Variants in ALS2 observed in about 807,000 individuals in gnomAD.
ALS2 encodes the protein alsin.
Under a neutral mutation model 203.4 loss-of-function variants are expected in ALS2, and 117 were observed. That is an observed-to-expected ratio of 0.58 (90% CI 0.50 to 0.67). The LOEUF (loss-of-function observed/expected upper bound fraction) is 0.67, where lower values mean the gene tolerates loss of function less well. Among genes scored for constraint, ALS2 ranks in the 30% least tolerant of loss-of-function variants. The pLI, the probability that ALS2 is intolerant of heterozygous loss-of-function variation, is 0.00. For synonymous variants in ALS2, 718 were observed against 725.9 expected (o/e 0.99, Z 0.17); for missense variants, 1,715 against 1,989.4 (o/e 0.86, Z 2.62).
In ALS2 at chr2:201,701,752, C is replaced by A; in HGVS notation, c.*99G>T. 1 of 1,177,954 alleles carries A rather than the reference C, an allele frequency of 8.5e-7. No individual in the cohort carries two copies. The highest frequency in any genetic ancestry group is 1.3e-5 in the South Asian group (1 of 79,914). 73.0% of individuals were successfully genotyped at this position (1,177,954 alleles called of 1,614,324 possible). On this transcript the variant is annotated 3_prime_UTR_variant, in exon 34 of 34. Transcript: ENST00000264276. The stretch of plus-strand genomic sequence containing the variant: ...CAACCTAAATAACACAAAGTCCTTT[C>A]CAATTTCAACACTGTTCTTTTTTGC...
intron 23 of ALS2, among the ~76,000 whole-genome samples, chr2:201,720,963 A>C (rs78461894): frequency 0.093 from 14,132 of 152,192 alleles, 764 homozygotes; most frequent in African/African-American, 0.14. Flanking sequence ...CACAAAAAAA[A>C]CCACTAAAAC....
At chr2:201,704,389 G>A in intron 32 of ALS2, 65 bp downstream of exon 32, 1 of 1,572,518 alleles carries the variant, frequency 6.4e-7, no homozygotes, top group South Asian at 1.1e-5. Flanking sequence ...TGTCAGTTCA[G>A]AAAATGCAAG....
intron 1 of ALS2, among the ~76,000 whole-genome samples, chr2:201,772,727 A>C (rs1373250776): frequency 6.6e-6 from 1 of 152,154 alleles, no homozygotes; most frequent in Non-Finnish European, 1.5e-5. Flanking sequence ...GAAGTCTCAA[A>C]ACTTTTAACT....
At chr2:201,720,274 C>T in intron 23 of ALS2, 3 of 313,292 alleles carry the variant, frequency 9.6e-6, no homozygotes, top group Non-Finnish European at 6.0e-6. Context: ...ACACCATGAC[C>T]AAGTACAATT....
intron 16 of ALS2, 142 bp from the exon 17 acceptor site, chr2:201,727,420 A>T (rs138241515): frequency 1.2e-6 from 1 of 812,202 alleles, no homozygotes; most frequent in African/African-American, 1.7e-5. Flanking sequence ...TTTGGGCGCC[A>T]CCACGGTGGA....
At chr2:201,759,445 A>G in intron 4 of ALS2, 4 of 929,524 alleles carry the variant, frequency 4.3e-6, no homozygotes, top group Non-Finnish European at 5.1e-6. Context: ...TGTAATAGAA[A>G]CACACATTTA....
rs913351217 is a variant in ALS2, at chr2:201,723,129, A to G, written c.3625-9T>C. The G allele has an allele frequency of 6.2e-7, 1 of 1,603,720 alleles. No individual in the cohort carries two copies. On this transcript the variant is annotated splice_polypyrimidine_tract_variant and intron_variant, in intron 22 of 33. Coordinates refer to ENST00000264276, the MANE Select transcript of ALS2 (RefSeq NM_020919.4). ...AGCAAAACCCCATTTCCCTACAAGAAGAAACAAGAGAAAAATTACAACACA... is the reference window on the plus strand; with the variant it reads ...AGCAAAACCCCATTTCCCTACAAGAGGAAACAAGAGAAAAATTACAACACA...
Position 201,757,573 on chromosome 2 carries a change from C to A in ALS2, c.1300G>T (p.Ala434Ser). 1 of 1,614,156 alleles carries A rather than the reference C, an allele frequency of 6.2e-7. No individual in the cohort carries two copies. Among genetic ancestry groups the A allele is most frequent in the Non-Finnish European group, 8.5e-7 (1 of 1,180,018 alleles). Reference protein sequence around the residue: ...FYSTTPCETGAQAGSSAIGPE... With the variant: ...FYSTTPCETGSQAGSSAIGPE... ...CCAATGGCACTACTGCCTGCCTGAG[C>A]TCCAGTTTCACAAGGGGTTGTACTA... Residue 434 changes from alanine (A) to serine (S), a missense_variant, in exon 5 of 34, where the codon GCT (alanine) becomes TCT (serine). By Grantham distance (99) the Ala-to-Ser change is moderately conservative. Coordinates refer to ENST00000264276, the MANE Select transcript of ALS2 (RefSeq NM_020919.4).
chr2:201,704,035 C>T (rs1482532959), intron 33 of ALS2, 87 bp downstream of exon 33: 14 of 1,186,514 alleles, frequency 1.2e-5, no homozygotes, highest in Non-Finnish European at 1.7e-5. Context: ...AACTTTTATA[C>T]AAAAAAAGTG....
chr2:201,774,189 G>A (rs933915706), intron 1 of ALS2, among the ~76,000 whole-genome samples: 1 of 152,194 alleles, frequency 6.6e-6, no homozygotes, highest in African/African-American at 2.4e-5. Flanking sequence ...GAATATGTCT[G>A]CATGACAAAG....
rs1345370089 is a variant in ALS2, at chr2:201,715,777, C to T, written c.3899G>A (p.Cys1300Tyr). 2 of 1,614,112 alleles carry T rather than the reference C, an allele frequency of 1.2e-6. No individual in the cohort carries two copies. Among genetic ancestry groups the T allele is most frequent in the Non-Finnish European group, 1.7e-6 (2 of 1,180,046 alleles). ...DEKWKAVFDE[C>Y]WRQLGCEGPG... ...GCCCTCACAGCCCAGTTGGCGCCAA[C>T]ATTCGTCAAACACCGCTTTCCACTT... The change falls in exon 25 of 34, where the codon TGT (cysteine) becomes TAT (tyrosine). Residue 1300 changes from cysteine to tyrosine, a missense_variant. Cys to Tyr is a radical substitution (Grantham distance 194). Coordinates refer to ENST00000264276, the MANE Select transcript of ALS2 (RefSeq NM_020919.4).
chr2:201,702,400 G>GT (rs57939262), intron 33 of ALS2, among the ~76,000 whole-genome samples: 30,319 of 151,904 alleles, frequency 0.2, 3,441 homozygotes, highest in East Asian at 0.39. Flanking sequence ...CAGATAACAT[G>GT]TAACATTTTC....
intron 14 of ALS2, among the ~76,000 whole-genome samples, 188 bp from the exon 15 acceptor site, chr2:201,728,828 A>G (rs1405062750): frequency 6.7e-6 from 1 of 149,870 alleles, no homozygotes. Flanking sequence ...GATTAAAAAG[A>G]AGACAAAAAC....
At chr2:201,717,809 G>A (rs1286209976) in intron 24 of ALS2, among the ~76,000 whole-genome samples, 2 of 151,742 alleles carry the variant, frequency 1.3e-5, no homozygotes, top group Admixed American at 6.6e-5. Flanking sequence ...GCATGGTAGC[G>A]GGTGCCTGTA....
In ALS2 at chr2:201,736,431, G is replaced by A. The variant is rs138399842; in HGVS notation, c.2417+2239C>T. On this transcript the variant is annotated intron_variant, in intron 12 of 33. Coordinates refer to ENST00000264276, the MANE Select transcript of ALS2 (RefSeq NM_020919.4). The stretch of plus-strand genomic sequence containing the variant: ...AACTGAATGACTATAAAAACAAAAC[G>A]TACTAAGACTTGTAAGATTCAGCTA... Among the ~76,000 whole-genome samples, 54 of 152,104 alleles carry A rather than the reference G, an allele frequency of 3.6e-4. No homozygotes were observed. The East Asian group carries it at 8.9e-3, about 25-fold the overall frequency.
Position 201,733,359 on chromosome 2 carries a change from G to GAA in ALS2, c.2496_2497insTT (p.Leu833PhefsTer2), listed in dbSNP as rs767638051. On this transcript the variant is annotated frameshift_variant, in exon 13 of 34. Transcript: ENST00000264276. LOFTEE classifies it high-confidence loss of function. ...ATTGGCAAGAAAAACAAAGTATTCAGTATTTCCATCAACTGAGTGTTTTCG... is the reference window on the plus strand; with the variant it reads ...ATTGGCAAGAAAAACAAAGTATTCAGAATATTTCCATCAACTGAGTGTTTTCG... The GAA allele has an allele frequency of 2.5e-6, 4 of 1,612,612 alleles. No individual in the cohort carries two copies. The South Asian group carries it at 4.4e-5, about 18-fold the overall frequency.
At chr2:201,760,750 TAAAAC>T (rs1304917106) in intron 4 of ALS2, 126 bp downstream of exon 4, 15 of 1,448,824 alleles carry the variant, frequency 1.0e-5, no homozygotes, top group Admixed American at 2.9e-5. Flanking sequence ...GCTTGCCTGA[TAAAAC>T]AAAATTATAA....
intron 1 of ALS2, among the ~76,000 whole-genome samples, chr2:201,769,942 AC>A (rs1694297467): frequency 6.6e-6 from 1 of 152,204 alleles, no homozygotes. Context: ...ATTACTTTCC[AC>A]CTAATGCTTA....
intron 7 of ALS2, among the ~76,000 whole-genome samples, 163 bp downstream of exon 7, chr2:201,752,983 G>A (rs1040868984): frequency 1.3e-5 from 2 of 152,128 alleles, no homozygotes; most frequent in Admixed American, 6.5e-5. Context: ...CACTTCCCTC[G>A]TCTGTAAAGT....
Sources: gnomAD v4.1 joint callset for allele counts (sites outside exome capture counted in the v4.1 genomes callset) on GRCh38, gnomAD v4.1.1 for gene constraint, MANE v1.5 for transcripts, NCBI Gene and HGNC (gene_info 2026-07-23, HGNC 2026-07-21) for gene names.